Variants in C18orf63 observed in about 807,000 individuals in gnomAD.
C18orf63 encodes uncharacterized protein C18orf63.
Under a neutral mutation model 75.3 loss-of-function variants are expected in C18orf63, and 50 were observed. The ratio of observed to expected loss-of-function variants is 0.66; its 90% CI spans 0.53 to 0.84. C18orf63 has a LOEUF of 0.84. C18orf63 is among the 40% of genes least tolerant of loss of function. The probability of loss-of-function intolerance (pLI) is 0.00; values close to 1 mark genes in which losing one functional copy is unlikely to be tolerated. For missense variants in C18orf63, 732 were observed against 800.2 expected, an observed-to-expected ratio of 0.91 and a Z score of 1.03; for synonymous variants, 232 against 267.6, an observed-to-expected ratio of 0.87 and a Z score of 1.30.
rs1558950 is a variant in C18orf63, at chr18:74,328,395, C to T, written c.382+337C>T. Among the ~76,000 whole-genome samples the T allele has an allele frequency of 8.5e-4, 130 of 152,260 alleles. 2 individuals are homozygous for T. In the East Asian group the frequency reaches 0.02, roughly 23 times the overall value. ...CCCCCATGATTCAGTGATCTCCCAC[C>T]GGGTCCTTCCCACAACATGTGGGAA... is the stretch of plus-strand genomic sequence containing the variant. On this transcript the variant is annotated intron_variant, in intron 5 of 13. Coordinates refer to ENST00000579455, the MANE Select transcript of C18orf63 (RefSeq NM_001174123.2).
At position 74,319,290 on chromosome 18, in the gene C18orf63, T is replaced by C. The variant is rs149820275; in HGVS notation, c.135-1223T>C. On this transcript the variant is annotated intron_variant, in intron 2 of 13. Coordinates refer to ENST00000579455, the MANE Select transcript of C18orf63 (RefSeq NM_001174123.2). ...GTCTTGAATAGCATTTGGCTCTCTC[T>C]AGTAGCATTTGGCTGTGTCAGGTAA... Among the ~76,000 whole-genome samples the C allele has an allele frequency of 2.3e-4, 35 of 152,274 alleles. No individual in the cohort carries two copies. The East Asian group carries it at 6.8e-3, about 29-fold the overall frequency.
chr18:74,332,462 T>C (rs534648253), intron 7 of C18orf63, among the ~76,000 whole-genome samples: 1 of 152,264 alleles, frequency 6.6e-6, no homozygotes, highest in South Asian at 2.1e-4. Flanking sequence ...CCCAGCACTT[T>C]GGGAGGCCGA....
chr18:74,344,534 A>G (rs1240572720), intron 11 of C18orf63, among the ~76,000 whole-genome samples: 1 of 152,116 alleles, frequency 6.6e-6, no homozygotes, highest in Admixed American at 6.5e-5. Context: ...CTTCCTAGTC[A>G]TAACTCCTTT....
chr18:74,347,276 T>C (rs1984590151), intron 11 of C18orf63, among the ~76,000 whole-genome samples: 1 of 152,186 alleles, frequency 6.6e-6, no homozygotes, highest in Non-Finnish European at 1.5e-5. Context: ...AAACAATACC[T>C]GTGGAAGGCA....
chr18:74,332,818 C>T (rs1011059830), intron 7 of C18orf63, among the ~76,000 whole-genome samples: 6 of 151,840 alleles, frequency 4.0e-5, no homozygotes, highest in African/African-American at 1.5e-4. Flanking sequence ...GTAGTTTATA[C>T]TCACATGCTT....
Position 74,343,676 on chromosome 18 carries a change from C to A in C18orf63, c.952C>A (p.Gln318Lys), listed in dbSNP as rs1229687541. ...GACAAGTAAACCATGCTACTACACA[C>A]AAGAACTAACTAAACCTAATATACA... Reference protein sequence around the residue: ...KMTSKPCYYTQELTKPNIQEH... With the variant: ...KMTSKPCYYTKELTKPNIQEH... Residue 318 changes from glutamine (Q) to lysine (K), a missense_variant, in exon 11 of 14, where the codon CAA becomes AAA. By Grantham distance (53) the Gln-to-Lys change is moderately conservative. Transcript: ENST00000579455. 1 of 1,528,838 alleles carries A rather than the reference C, an allele frequency of 6.5e-7. No homozygotes were observed. The highest frequency in any genetic ancestry group is 1.4e-5 in the African/African-American group (1 of 72,858). 94.7% of individuals were successfully genotyped at this position (1,528,838 alleles called of 1,614,324 possible).
intron 11 of C18orf63, 61 bp downstream of exon 11, chr18:74,343,763 A>G: frequency 8.7e-7 from 1 of 1,143,826 alleles, no homozygotes; most frequent in Non-Finnish European, 1.2e-6. Flanking sequence ...TTTTACTTGA[A>G]TCTCTTGTCT....
chr18:74,341,120 C>T (rs1387048531), intron 8 of C18orf63, among the ~76,000 whole-genome samples: 1 of 150,968 alleles, frequency 6.6e-6, no homozygotes, highest in East Asian at 2.0e-4. Flanking sequence ...AAAAATTAGC[C>T]GGGCGTAGTG....
At chr18:74,319,355 T>G (rs1034410510) in intron 2 of C18orf63, among the ~76,000 whole-genome samples, 2 of 152,204 alleles carry the variant, frequency 1.3e-5, no homozygotes, top group Non-Finnish European at 2.9e-5. Context: ...TATACCTTGG[T>G]TCCAACAAAT....
At chr18:74,328,960 T>G (rs1315942284) in intron 5 of C18orf63, 35 bp from the exon 6 acceptor site, 1 of 1,167,712 alleles carries the variant, frequency 8.6e-7, no homozygotes, top group Non-Finnish European at 1.2e-6. Flanking sequence ...ATTTATGAGT[T>G]GTAATAACAT....
chr18:74,328,144 A>G (rs2145118720), intron 5 of C18orf63, 86 bp downstream of exon 5: 1 of 803,240 alleles, frequency 1.2e-6, no homozygotes, highest in Admixed American at 2.2e-5. Flanking sequence ...TGCTGCTAAT[A>G]AAGACATACT....
At chr18:74,348,456 G>A (rs1984610121) in intron 11 of C18orf63, among the ~76,000 whole-genome samples, 1 of 152,100 alleles carries the variant, frequency 6.6e-6, no homozygotes, top group South Asian at 2.1e-4. Flanking sequence ...CTTTTGATTA[G>A]TCATCTTTGT....
At chr18:74,341,665 C>A (rs1239838524) in intron 8 of C18orf63, among the ~76,000 whole-genome samples, 12 of 151,900 alleles carry the variant, frequency 7.9e-5, no homozygotes, top group African/African-American at 2.9e-4. Context: ...CCAGCCTGGG[C>A]AACAGAGCGA....
At chr18:74,346,933 T>G (rs1271771476) in intron 11 of C18orf63, among the ~76,000 whole-genome samples, 1 of 152,210 alleles carries the variant, frequency 6.6e-6, no homozygotes, top group Non-Finnish European at 1.5e-5. Flanking sequence ...AGACCGAAGC[T>G]CAGAACATCC....
intron 7 of C18orf63, among the ~76,000 whole-genome samples, chr18:74,335,692 A>G (rs568824632): frequency 4.7e-4 from 72 of 152,192 alleles, no homozygotes; most frequent in African/African-American, 1.7e-3. Context: ...ACAAATTTCT[A>G]TTTATTTCGT....
chr18:74,344,642 G>C (rs890962770), intron 11 of C18orf63, among the ~76,000 whole-genome samples: 2 of 151,966 alleles, frequency 1.3e-5, no homozygotes, highest in Non-Finnish European at 2.9e-5. Context: ...CATTTTGCAT[G>C]CTTTTGAACT....
At chr18:74,326,008 T>C (rs1231037761) in intron 4 of C18orf63, among the ~76,000 whole-genome samples, 1 of 152,164 alleles carries the variant, frequency 6.6e-6, no homozygotes, top group Non-Finnish European at 1.5e-5. Context: ...CCTTGGGCCA[T>C]AGAGAAAGTC....
intron 6 of C18orf63, among the ~76,000 whole-genome samples, chr18:74,330,647 A>C (rs1374522957): frequency 6.6e-6 from 1 of 152,030 alleles, no homozygotes; most frequent in African/African-American, 2.4e-5. Flanking sequence ...TGCACCCCCC[A>C]CACACATTCA....
At chr18:74,342,199 A>C in intron 9 of C18orf63, 42 bp from the exon 10 acceptor site, 1 of 1,438,854 alleles carries the variant, frequency 6.9e-7, no homozygotes, top group Non-Finnish European at 9.4e-7. Flanking sequence ...ACCTAAGTTT[A>C]GCTTTCTCCA....
Sources: gnomAD v4.1 joint callset for allele counts (sites outside exome capture counted in the v4.1 genomes callset) on GRCh38, gnomAD v4.1.1 for gene constraint, MANE v1.5 for transcripts, NCBI Gene and HGNC (gene_info 2026-07-23, HGNC 2026-07-21) for gene names.